The following FILIP1L variants were observed in gnomAD, a reference collection of about 807,000 sequenced individuals.
The protein encoded by FILIP1L is filamin A-interacting protein 1-like.
FILIP1L carries 55 observed loss-of-function variants against 96.6 expected under a neutral mutation model. The observed-to-expected ratio is 0.57, with a 90% CI of 0.46 to 0.71. FILIP1L has a LOEUF of 0.71. Among genes scored for constraint, FILIP1L ranks in the 30% least tolerant of loss-of-function variants. The probability of loss-of-function intolerance (pLI) is 0.00; values close to 1 mark genes in which losing one functional copy is unlikely to be tolerated. For missense variants in FILIP1L, 1,304 were observed against 1,321.2 expected (o/e 0.99, Z 0.20); for synonymous variants, 467 against 473.9 (o/e 0.99, Z 0.19).
intron 1 of FILIP1L, among the ~76,000 whole-genome samples, chr3:99,982,339 T>G (rs1475743140): frequency 6.6e-6 from 1 of 151,928 alleles, no homozygotes; most frequent in Non-Finnish European, 1.5e-5. Context: ...ATTAGGTAAT[T>G]TTTTACTTTT....
intron 1 of FILIP1L, among the ~76,000 whole-genome samples, chr3:100,060,966 C>A (rs943949658): frequency 1.1e-4 from 16 of 152,132 alleles, no homozygotes; most frequent in African/African-American, 3.9e-4. Context: ...AGAACCACAT[C>A]CTCATTAACC....
chr3:99,966,642 A>G (rs947285793), intron 1 of FILIP1L, among the ~76,000 whole-genome samples: 2 of 152,218 alleles, frequency 1.3e-5, no homozygotes, highest in Non-Finnish European at 2.9e-5. Flanking sequence ...AAGATGCCAC[A>G]TTTACATGGC....
chr3:99,980,089 A>G (rs531673569), intron 1 of FILIP1L, among the ~76,000 whole-genome samples: 2 of 152,302 alleles, frequency 1.3e-5, no homozygotes, highest in South Asian at 4.1e-4. Context: ...TGCCTTAGAA[A>G]TGATGAGAAG....
At chr3:99,952,179 G>A (rs916057890) in intron 1 of FILIP1L, among the ~76,000 whole-genome samples, 3 of 150,028 alleles carry the variant, frequency 2.0e-5, no homozygotes, top group Non-Finnish European at 4.4e-5. Context: ...TTTTTTTTTC[G>A]TTGACTTAAT....
intron 1 of FILIP1L, among the ~76,000 whole-genome samples, chr3:100,062,399 C>T (rs1231612635): frequency 6.6e-6 from 1 of 152,048 alleles, no homozygotes; most frequent in Non-Finnish European, 1.5e-5. Context: ...GTGTGAGCCA[C>T]CGCGCCCGGT....
intron 1 of FILIP1L, among the ~76,000 whole-genome samples, chr3:100,109,233 T>G (rs1184527562): frequency 1.3e-5 from 2 of 152,116 alleles, no homozygotes; most frequent in Middle Eastern, 3.2e-3. Context: ...AAAAAATTTT[T>G]CAATGAAAAT....
At chr3:100,041,912 A>G (rs1212306307) in intron 1 of FILIP1L, among the ~76,000 whole-genome samples, 1 of 152,194 alleles carries the variant, frequency 6.6e-6, no homozygotes, top group African/African-American at 2.4e-5. Flanking sequence ...ACAGCTGAAA[A>G]CTAGGATAGA....
intron 1 of FILIP1L, among the ~76,000 whole-genome samples, chr3:100,085,997 T>G (rs764225990): frequency 6.6e-6 from 1 of 152,238 alleles, no homozygotes; most frequent in East Asian, 1.9e-4. Flanking sequence ...GTTAATCAAA[T>G]GGCTGCTGTA....
intron 4 of FILIP1L, among the ~76,000 whole-genome samples, chr3:99,908,988 A>G (rs551726385): frequency 1.3e-5 from 2 of 152,320 alleles, no homozygotes; most frequent in East Asian, 3.9e-4. Context: ...ATAATTTACC[A>G]GTTAACAACT....
chr3:100,076,070 A>G (rs897322833), intron 1 of FILIP1L, among the ~76,000 whole-genome samples: 3 of 152,200 alleles, frequency 2.0e-5, no homozygotes, highest in African/African-American at 7.2e-5. Flanking sequence ...GGCTTTGGGC[A>G]GGGCTGATGC....
At chr3:99,833,358 A>G (rs550150176) in intron 5 of FILIP1L, 1 of 1,035,796 alleles carries the variant, frequency 9.7e-7, no homozygotes, top group East Asian at 2.5e-5. Context: ...AAAGAAACCT[A>G]GCAATCTAGA....
At chr3:100,054,512 G>C (rs1425638912) in intron 1 of FILIP1L, among the ~76,000 whole-genome samples, 1 of 151,676 alleles carries the variant, frequency 6.6e-6, no homozygotes, top group Non-Finnish European at 1.5e-5. Flanking sequence ...GTTATGTTAT[G>C]TTATGTTATG....
At chr3:99,968,978 T>A (rs201110755) in intron 1 of FILIP1L, among the ~76,000 whole-genome samples, 1 of 140,486 alleles carries the variant, frequency 7.1e-6, no homozygotes, top group Non-Finnish European at 1.6e-5. Flanking sequence ...GAAAAAAAAA[T>A]TCATTTGATA....
intron 1 of FILIP1L, among the ~76,000 whole-genome samples, chr3:100,027,258 A>G (rs1172934024): frequency 6.6e-6 from 1 of 152,112 alleles, no homozygotes; most frequent in African/African-American, 2.4e-5. Flanking sequence ...TTCCACGTGG[A>G]TAGGGACTTT....
intron 4 of FILIP1L, among the ~76,000 whole-genome samples, chr3:99,912,532 C>T (rs1244558269): frequency 6.6e-6 from 1 of 152,138 alleles, no homozygotes; most frequent in African/African-American, 2.4e-5. Context: ...TGCATGCCAG[C>T]ACACCCAGCT....
chr3:99,901,717 T>C (rs941140747), intron 4 of FILIP1L, among the ~76,000 whole-genome samples: 1 of 152,218 alleles, frequency 6.6e-6, no homozygotes, highest in Non-Finnish European at 1.5e-5. Context: ...TTTTCCTTTA[T>C]TAACTCTGGA....
intron 1 of FILIP1L, among the ~76,000 whole-genome samples, chr3:100,017,658 C>T (rs955409914): frequency 7.2e-5 from 11 of 152,154 alleles, no homozygotes; most frequent in African/African-American, 2.7e-4. Context: ...GATGTGGTGG[C>T]ATGCACCTGT....
intron 1 of FILIP1L, among the ~76,000 whole-genome samples, chr3:99,932,532 AT>A (rs1348053007): frequency 6.6e-6 from 1 of 151,618 alleles, no homozygotes; most frequent in Non-Finnish European, 1.5e-5. Context: ...ATTCTTGCAC[AT>A]TTTTTTCCCT....
intron 1 of FILIP1L, among the ~76,000 whole-genome samples, chr3:100,110,218 G>A (rs1280468620): frequency 2.0e-5 from 3 of 152,072 alleles, no homozygotes; most frequent in African/African-American, 7.2e-5. Context: ...CATGCTCCCT[G>A]ATCAAATGCA....
Sources: allele counts gnomAD v4.1 joint callset (sites outside exome capture counted in the v4.1 genomes callset), GRCh38; gene constraint gnomAD v4.1.1; transcripts MANE v1.5; gene names NCBI Gene and HGNC (gene_info 2026-07-23, HGNC 2026-07-21).